Variants in SH2D4A observed in about 807,000 individuals in gnomAD.
SH2D4A encodes SH2 domain containing 4A.
Under a neutral mutation model 64.7 loss-of-function variants are expected in SH2D4A, and 70 were observed. The ratio of observed to expected loss-of-function variants is 1.08; its 90% CI spans 0.89 to 1.32. The LOEUF is 1.32. Ranked by LOEUF, SH2D4A falls within the 40% of genes most tolerant of loss-of-function variation. The pLI is 0.00. For synonymous variants in SH2D4A, 268 were observed against 200.7 expected, an observed-to-expected ratio of 1.34 and a Z score of -2.83; for missense variants, 706 against 540.1, an observed-to-expected ratio of 1.31 and a Z score of -3.04.
At chr8:19,393,197 A>G (rs1281823562) in intron 8 of SH2D4A, 121 bp from the exon 9 acceptor site, 2 of 828,186 alleles carry the variant, frequency 2.4e-6, no homozygotes, top group Non-Finnish European at 3.9e-6. Context: ...CAGACTTAAA[A>G]TTGCTCTTAT....
intron 8 of SH2D4A, among the ~76,000 whole-genome samples, chr8:19,377,538 G>C (rs1404886912): frequency 6.6e-6 from 1 of 152,076 alleles, no homozygotes; most frequent in Non-Finnish European, 1.5e-5. Flanking sequence ...AAAATATACA[G>C]TATTGTGTTT....
intron 7 of SH2D4A, among the ~76,000 whole-genome samples, chr8:19,369,622 C>T (rs1465413080): frequency 2.0e-5 from 3 of 152,034 alleles, no homozygotes; most frequent in African/African-American, 7.2e-5. Context: ...TGTTGACATA[C>T]AGTTGTTGAT....
At chr8:19,372,619 G>A (rs1563206569) in intron 7 of SH2D4A, among the ~76,000 whole-genome samples, 1 of 152,120 alleles carries the variant, frequency 6.6e-6, no homozygotes, top group Non-Finnish European at 1.5e-5. Flanking sequence ...TGACTGCAGT[G>A]GTGTTGTTGT....
chr8:19,314,390 C>T (rs1334525454), intron 1 of SH2D4A, among the ~76,000 whole-genome samples: 1 of 152,136 alleles, frequency 6.6e-6, no homozygotes, highest in Non-Finnish European at 1.5e-5. Context: ...CCAGGGGCGC[C>T]CCCACGTGGG....
chr8:19,392,152 T>G (rs1484341248), intron 8 of SH2D4A, among the ~76,000 whole-genome samples: 2 of 152,222 alleles, frequency 1.3e-5, no homozygotes, highest in Admixed American at 6.5e-5. Flanking sequence ...AAAAGGCTGG[T>G]CTGGAGTAAG....
At chr8:19,356,115 T>G (rs913453768) in intron 4 of SH2D4A, among the ~76,000 whole-genome samples, 3 of 152,166 alleles carry the variant, frequency 2.0e-5, no homozygotes, top group African/African-American at 7.2e-5. Flanking sequence ...GGAAGTGGCC[T>G]GCAGGAGTGT....
At chr8:19,371,180 GTAT>G (rs1563205917) in intron 7 of SH2D4A, among the ~76,000 whole-genome samples, 1 of 152,052 alleles carries the variant, frequency 6.6e-6, no homozygotes, top group Non-Finnish European at 1.5e-5. Flanking sequence ...CATGATGATA[GTAT>G]TATAACAAAA....
chr8:19,342,736 T>A (rs962461554), intron 4 of SH2D4A, among the ~76,000 whole-genome samples: 1 of 152,166 alleles, frequency 6.6e-6, no homozygotes, highest in African/African-American at 2.4e-5. Flanking sequence ...ACCTTAACGA[T>A]CACACTGCTG....
intron 3 of SH2D4A, among the ~76,000 whole-genome samples, chr8:19,334,161 G>C (rs1400405087): frequency 6.6e-6 from 1 of 152,108 alleles, no homozygotes. Context: ...AGGTGGTGAA[G>C]TGGAAATTGG....
chr8:19,371,211 T>C (rs1300353791), intron 7 of SH2D4A, among the ~76,000 whole-genome samples: 1 of 152,170 alleles, frequency 6.6e-6, no homozygotes, highest in Non-Finnish European at 1.5e-5. Flanking sequence ...TAGCATCCAG[T>C]TTATGTTTGA....
chr8:19,353,015 A>G (rs1056613857), intron 4 of SH2D4A, among the ~76,000 whole-genome samples: 1 of 152,154 alleles, frequency 6.6e-6, no homozygotes, highest in South Asian at 2.1e-4. Context: ...TCTCAAGAAC[A>G]AAAACACAAT....
At position 19,319,702 on chromosome 8, in the gene SH2D4A, TG is replaced by T. The variant is rs753211399; in HGVS notation, c.156del (p.Pro53GlnfsTer2). ...REAAMERKES[L>X]PVKPRPKKEN... Reference sequence around the variant, plus strand: ...GCAGCTATGGAAAGAAAGGAGTCCCTGCCAGTGAAACCCAGACCAAAGAAAG... The same window carrying T: ...GCAGCTATGGAAAGAAAGGAGTCCCTCCAGTGAAACCCAGACCAAAGAAAG... On this transcript the variant is annotated frameshift_variant, in exon 2 of 10. Transcript: ENST00000265807. LOFTEE classifies it high-confidence loss of function. 2.7e-5 allele frequency: 43 copies of T among 1,598,552 alleles called. No individual in the cohort carries two copies. The South Asian group carries it at 4.4e-4, about 17-fold the overall frequency.
chr8:19,393,658 T>C (rs2053537387), intron 9 of SH2D4A, 117 bp downstream of exon 9: 1 of 902,654 alleles, frequency 1.1e-6, no homozygotes, highest in Non-Finnish European at 1.7e-6. Context: ...GGGACAGGGG[T>C]GGGGGCTTGT....
intron 4 of SH2D4A, among the ~76,000 whole-genome samples, chr8:19,353,674 G>GTTTTTTTTT (rs55989081): frequency 1.9e-5 from 2 of 105,204 alleles, no homozygotes; most frequent in Non-Finnish European, 3.6e-5. Context: ...GCCTCTAGCT[G>GTTTTTTTTT]TTTTTTTTTT....
chr8:19,346,422 G>T (rs2052614111), intron 4 of SH2D4A, among the ~76,000 whole-genome samples: 2 of 152,220 alleles, frequency 1.3e-5, no homozygotes, highest in South Asian at 4.1e-4. Flanking sequence ...CTCCTCATGA[G>T]AATCTAATGC....
chr8:19,324,856 G>A (rs2052252148), intron 2 of SH2D4A, among the ~76,000 whole-genome samples: 1 of 152,068 alleles, frequency 6.6e-6, no homozygotes, highest in South Asian at 2.1e-4. Flanking sequence ...GACTCTCAGG[G>A]GTTCGCAGAT....
chr8:19,378,767 C>A (rs1177303729), intron 8 of SH2D4A, among the ~76,000 whole-genome samples: 2 of 151,906 alleles, frequency 1.3e-5, no homozygotes, highest in Non-Finnish European at 2.9e-5. Flanking sequence ...TACAACTGGT[C>A]ATGTGTGGTG....
At chr8:19,317,626 A>C (rs2052112359) in intron 1 of SH2D4A, among the ~76,000 whole-genome samples, 1 of 152,186 alleles carries the variant, frequency 6.6e-6, no homozygotes, top group African/African-American at 2.4e-5. Flanking sequence ...GTGTAAATCA[A>C]GGAACTACTT....
chr8:19,382,753 A>G (rs2053316169), intron 8 of SH2D4A, among the ~76,000 whole-genome samples: 1 of 141,634 alleles, frequency 7.1e-6, no homozygotes, highest in South Asian at 2.3e-4. Flanking sequence ...TCTGGGGATA[A>G]TCTTATTGAC....
Sources: allele counts gnomAD v4.1 joint callset (sites outside exome capture counted in the v4.1 genomes callset), GRCh38; gene constraint gnomAD v4.1.1; transcripts MANE v1.5; gene names NCBI Gene and HGNC (gene_info 2026-07-23, HGNC 2026-07-21).